The following LTBP1 variants were observed in gnomAD, a reference collection of about 807,000 sequenced individuals.
The protein encoded by LTBP1 is latent-transforming growth factor beta-binding protein 1.
LTBP1 carries 129 observed loss-of-function variants against 207.6 expected under a neutral mutation model. That is an observed-to-expected ratio of 0.62 (90% CI 0.54 to 0.72). The LOEUF is 0.72. Among genes scored for constraint, LTBP1 ranks in the 30% least tolerant of loss-of-function variants. The pLI, the probability that LTBP1 is intolerant of heterozygous loss-of-function variation, is 0.00. For synonymous variants in LTBP1, 963 were observed against 833.7 expected, an observed-to-expected ratio of 1.16 and a Z score of -2.67; for missense variants, 2,281 against 2,217.2, an observed-to-expected ratio of 1.03 and a Z score of -0.58.
chr2:32,964,065 G>A (rs1267341805), intron 2 of LTBP1, among the ~76,000 whole-genome samples: 1 of 152,336 alleles, frequency 6.6e-6, no homozygotes, highest in Admixed American at 6.5e-5. Flanking sequence ...AATTGGCAGG[G>A]ATTGTGCTTC....
At chr2:33,121,234 GC>G (rs1412563156) in intron 4 of LTBP1, among the ~76,000 whole-genome samples, 1 of 122,702 alleles carries the variant, frequency 8.1e-6, no homozygotes, top group Non-Finnish European at 1.6e-5. Context: ...AAGTCTTGTA[GC>G]CCAAACTGCA....
chr2:33,231,902 A>G (rs956163081), intron 9 of LTBP1, among the ~76,000 whole-genome samples: 4 of 152,240 alleles, frequency 2.6e-5, no homozygotes, highest in African/African-American at 9.6e-5. Flanking sequence ...ATTGTTTATA[A>G]CATTTGTTAA....
intron 3 of LTBP1, among the ~76,000 whole-genome samples, chr2:33,045,267 G>T (rs1235739739): frequency 6.6e-6 from 1 of 151,938 alleles, no homozygotes; most frequent in Non-Finnish European, 1.5e-5. Context: ...TAAGTCTTTA[G>T]TCCATCTTGA....
chr2:33,051,371 A>C (rs771050061), intron 3 of LTBP1, among the ~76,000 whole-genome samples: 1 of 152,096 alleles, frequency 6.6e-6, no homozygotes. Context: ...AGCTGTGATT[A>C]TGCCACTTTA....
At chr2:33,145,539 AT>A (rs1340463440) in intron 5 of LTBP1, among the ~76,000 whole-genome samples, 1 of 152,210 alleles carries the variant, frequency 6.6e-6, no homozygotes, top group Non-Finnish European at 1.5e-5. Context: ...CTAAAGTCTT[AT>A]TTAGCAAGAT....
At chr2:33,288,506 T>C (rs2093709373) in intron 19 of LTBP1, among the ~76,000 whole-genome samples, 1 of 152,120 alleles carries the variant, frequency 6.6e-6, no homozygotes, top group Non-Finnish European at 1.5e-5. Flanking sequence ...TTGTGGAGAA[T>C]TGATAGTTAC....
chr2:33,093,166 C>G (rs1054931139), intron 3 of LTBP1, among the ~76,000 whole-genome samples: 1 of 152,198 alleles, frequency 6.6e-6, no homozygotes, highest in African/African-American at 2.4e-5. Context: ...TCATAACATT[C>G]TAAGCAGTCC....
Position 33,280,103 on chromosome 2 carries a change from T to C in LTBP1, c.3057T>C (p.Ser1019=), listed in dbSNP as rs759393640. The C allele has an allele frequency of 1.4e-5, 22 of 1,614,026 alleles. No homozygotes were observed. The South Asian group carries it at 2.2e-4, about 16-fold the overall frequency. ...PDEQCVNSPG[S]YQCVPCTEGF... is the part of the protein sequence containing the mutation. ...AGCAGTGTGTGAATTCTCCTGGATC[T>C]TACCAGTGCGTTCCCTGCACAGAAG... The change falls in exon 19 of 34, where the codon TCT becomes TCC. Residue 1019 remains serine, a synonymous_variant. Transcript: ENST00000404816.
At chr2:32,977,022 G>T (rs1681900193) in intron 2 of LTBP1, among the ~76,000 whole-genome samples, 1 of 152,224 alleles carries the variant, frequency 6.6e-6, no homozygotes, top group African/African-American at 2.4e-5. Flanking sequence ...GCCTACCAGT[G>T]GTGGAGGTGG....
rs2083840357 is a variant in LTBP1, at chr2:33,154,886, A to G, written c.1201+19926A>G. On this transcript the variant is annotated intron_variant, in intron 5 of 33. Coordinates refer to ENST00000404816, the MANE Select transcript of LTBP1 (RefSeq NM_206943.4). ...GAAACTAGCCTGACCAACACAGTGA[A>G]ACCCCATCTCTACTAAAAATACAAA... Among the ~76,000 whole-genome samples the G allele has an allele frequency of 2.0e-5, 3 of 152,218 alleles. No homozygotes were observed. In the South Asian group the frequency reaches 6.2e-4, roughly 32 times the overall value.
At chr2:33,184,781 G>GTTTTTTTTTTTT (rs34063170) in intron 5 of LTBP1, among the ~76,000 whole-genome samples, 1 of 136,382 alleles carries the variant, frequency 7.3e-6, no homozygotes. Context: ...AGTATTTTCT[G>GTTTTTTTTTTTT]TTTTTTTTTT....
At chr2:33,177,001 T>C (rs947989135) in intron 5 of LTBP1, among the ~76,000 whole-genome samples, 2 of 152,206 alleles carry the variant, frequency 1.3e-5, no homozygotes, top group African/African-American at 4.8e-5. Flanking sequence ...CCATATGAGC[T>C]GGATACAATT....
At chr2:33,082,573 C>T (rs1225729842) in intron 3 of LTBP1, among the ~76,000 whole-genome samples, 1 of 151,144 alleles carries the variant, frequency 6.6e-6, no homozygotes, top group East Asian at 1.9e-4. Context: ...TACAGGTGTC[C>T]ACCAGCACGC....
intron 2 of LTBP1, among the ~76,000 whole-genome samples, chr2:32,995,238 C>A (rs1444474586): frequency 2.6e-5 from 4 of 151,906 alleles, no homozygotes; most frequent in African/African-American, 4.8e-5. Context: ...TTGAAAACCA[C>A]CAGAGTGCTC....
chr2:32,998,638 A>G (rs1685660873), intron 2 of LTBP1, among the ~76,000 whole-genome samples: 1 of 149,888 alleles, frequency 6.7e-6, no homozygotes, highest in African/African-American at 2.5e-5. Context: ...TACCCATGTG[A>G]TGGTATTAGG....
intron 5 of LTBP1, among the ~76,000 whole-genome samples, chr2:33,178,435 C>T (rs2086287149): frequency 6.6e-6 from 1 of 152,208 alleles, no homozygotes; most frequent in Admixed American, 6.5e-5. Flanking sequence ...GGCCTCATCT[C>T]ATCTGGTGTG....
rs768527314 is a variant in LTBP1 at position 33,010,075 on chromosome 2, G to A, written c.566-10834G>A. ...AGAGGATGGCAGTGAAGTGGGAGAA[G>A]GCTGGCAGGGCGTGGTGGCTCAGCA... On this transcript the variant is annotated intron_variant, in intron 2 of 33. Transcript: ENST00000404816. Among the ~76,000 whole-genome samples, 8 of 152,160 alleles carry A rather than the reference G, an allele frequency of 5.3e-5. No homozygotes were observed. The East Asian group carries it at 1.5e-3, about 29-fold the overall frequency.
chr2:33,349,063 G>C (rs1252439675), intron 26 of LTBP1, among the ~76,000 whole-genome samples: 2 of 152,198 alleles, frequency 1.3e-5, no homozygotes, highest in African/African-American at 4.8e-5. Context: ...TTTCATCAGA[G>C]TCAATAATTG....
chr2:33,167,361 C>CAAAAAAA (rs80088509), intron 5 of LTBP1, among the ~76,000 whole-genome samples: 4 of 112,882 alleles, frequency 3.5e-5, no homozygotes, highest in East Asian at 2.7e-4. Context: ...TTTGTACATT[C>CAAAAAAA]AAAAAAAAAA....
Sources: gnomAD v4.1 joint callset for allele counts (sites outside exome capture counted in the v4.1 genomes callset) on GRCh38, gnomAD v4.1.1 for gene constraint, MANE v1.5 for transcripts, NCBI Gene and HGNC (gene_info 2026-07-23, HGNC 2026-07-21) for gene names.